Variants in CHPT1 observed in about 807,000 individuals in gnomAD.
CHPT1 encodes cholinephosphotransferase 1.
A neutral mutation model predicts 47.6 loss-of-function variants in CHPT1; 36 were observed. The ratio of observed to expected loss-of-function variants is 0.76; its 90% confidence interval spans 0.58 to 1.00. The LOEUF is 1.00. Ranked by LOEUF, CHPT1 falls within the 50% of genes least tolerant of loss-of-function variation. The pLI, the probability that CHPT1 is intolerant of heterozygous loss-of-function variation, is 0.00. For synonymous variants in CHPT1, 194 were observed against 186.3 expected (o/e 1.04, Z -0.33); for missense variants, 458 against 498.1 (o/e 0.92, Z 0.77).
Position 101,726,358 on chromosome 12 carries a change from T to TTCA in CHPT1, c.1133_1135dup (p.His378dup). 6.2e-7 allele frequency: 1 copy of TTCA among 1,613,276 alleles called. No homozygotes were observed. The highest frequency in any genetic ancestry group is 1.1e-5 in the South Asian group (1 of 91,048). On this transcript the variant is annotated inframe_insertion, in exon 8 of 9. Transcript: ENST00000229266. ...TTGTGCCTGCAAATTTCAAGACACCTTCATCTAAATATATTCAAGACTGCA... is the reference window on the plus strand; with the variant it reads ...TTGTGCCTGCAAATTTCAAGACACCTTCATCATCTAAATATATTCAAGACTGCA...
intron 4 of CHPT1, chr12:101,719,670 C>A: frequency 2.8e-6 from 1 of 361,970 alleles, no homozygotes; most frequent in Non-Finnish European, 5.0e-6. Context: ...TTCAAATGAA[C>A]TATCCTTTTT....
chr12:101,704,047 T>A (rs1403466655), intron 1 of CHPT1, among the ~76,000 whole-genome samples: 2 of 152,234 alleles, frequency 1.3e-5, no homozygotes, highest in Non-Finnish European at 2.9e-5. Context: ...CAGTTTCTAT[T>A]TTTATGAAGA....
In CHPT1 at chr12:101,716,800, G is replaced by A; in HGVS notation, c.636G>A (p.Met212Ile). The A allele has an allele frequency of 1.9e-6, 3 of 1,596,756 alleles. No individual in the cohort carries two copies. Among genetic ancestry groups the A allele is most frequent in the Non-Finnish European group, 2.6e-6 (3 of 1,168,644 alleles). Residue 212 changes from methionine to isoleucine, a missense_variant, in exon 4 of 9, where the codon ATG (methionine) becomes ATA (isoleucine). Transcript: ENST00000229266. ...TGTCTGCATTTGGAGGAGCAACAATGTGGGACTATACGGTAAATCTGAATA... is the reference window on the plus strand; with the variant it reads ...TGTCTGCATTTGGAGGAGCAACAATATGGGACTATACGGTAAATCTGAATA... ...FVLSAFGGAT[M>I]WDYTIPILEI...
At chr12:101,724,235 G>T (rs1323097344) in intron 7 of CHPT1, among the ~76,000 whole-genome samples, 1 of 147,052 alleles carries the variant, frequency 6.8e-6, no homozygotes, top group East Asian at 2.0e-4. Flanking sequence ...AAAAAAAAAA[G>T]ATCTAGTCTA....
In CHPT1 at chr12:101,728,729, C is replaced by T. The variant is rs537685305; in HGVS notation, c.1177-172C>T. 1.4e-4 allele frequency: 93 copies of T among 676,784 alleles called. No homozygotes were observed. Among genetic ancestry groups the T allele is most frequent in the Non-Finnish European group, 2.0e-4 (82 of 412,608 alleles). The allele number at this position is 676,784 out of a possible 1,614,324, so 41.9% of individuals were successfully genotyped here. ...TTACTAAAGAGCTGAAAGCTTAATA[C>T]ATATTCTTTAGGAATAGTTGCTAAC... On this transcript the variant is annotated intron_variant, in intron 8 of 8. Transcript: ENST00000229266.
chr12:101,709,176 G>A (rs1274695690), intron 1 of CHPT1, among the ~76,000 whole-genome samples: 1 of 147,812 alleles, frequency 6.8e-6, no homozygotes, highest in Non-Finnish European at 1.5e-5. Flanking sequence ...CAGAAGGATA[G>A]TTTGAGGCCA....
intron 3 of CHPT1, among the ~76,000 whole-genome samples, chr12:101,715,482 A>G (rs1408583181): frequency 6.6e-6 from 1 of 151,976 alleles, no homozygotes; most frequent in African/African-American, 2.4e-5. Context: ...TGTATTTACC[A>G]CCTATCGAGC....
chr12:101,716,927 A>T, intron 4 of CHPT1, 115 bp downstream of exon 4: 2 of 583,430 alleles, frequency 3.4e-6, no homozygotes, highest in Non-Finnish European at 5.7e-6. Context: ...TTTTTTTTTT[A>T]ATTGGTGTAT....
In CHPT1 at chr12:101,710,724, C is replaced by T. The variant is rs1208977276; in HGVS notation, c.274-3366C>T. Among the ~76,000 whole-genome samples, 7 of 148,746 alleles carry T rather than the reference C, an allele frequency of 4.7e-5. 3 individuals carry two copies. Among genetic ancestry groups the T allele is most frequent in the Non-Finnish European group, 1.1e-4 (7 of 66,440 alleles). On this transcript the variant is annotated intron_variant, in intron 1 of 8. Transcript: ENST00000229266. ...TTTCTGTTAATACCTGACCATGAGA[C>T]CTGCCTGTAGCTAGTTTCTCAGATC... is the stretch of plus-strand genomic sequence containing the variant.
At chr12:101,708,587 A>G (rs1951662469) in intron 1 of CHPT1, among the ~76,000 whole-genome samples, 1 of 152,212 alleles carries the variant, frequency 6.6e-6, no homozygotes, top group South Asian at 2.1e-4. Context: ...TGAAAACTAT[A>G]TAATTAAAAA....
At chr12:101,711,187 A>G (rs1182049458) in intron 1 of CHPT1, among the ~76,000 whole-genome samples, 3 of 148,784 alleles carry the variant, frequency 2.0e-5, no homozygotes, top group African/African-American at 7.3e-5. Context: ...CTGTAAAACT[A>G]TACCCAAAGG....
At chr12:101,722,336 T>C (rs1951862959) in intron 5 of CHPT1, among the ~76,000 whole-genome samples, 1 of 152,192 alleles carries the variant, frequency 6.6e-6, no homozygotes, top group Non-Finnish European at 1.5e-5. Flanking sequence ...GTAAACTTAA[T>C]AAACAAGAGT....
rs544202211 is a variant in CHPT1 at position 101,702,301 on chromosome 12, T to G, written c.273+4167T>G. ...CTGCCCTGTCTTCGTGATCTGTGCA[T>G]ATAAATCCATGTCAGTGTCTTTATT... On this transcript the variant is annotated intron_variant, in intron 1 of 8. Transcript: ENST00000229266. 2.6e-5 allele frequency among the ~76,000 whole-genome samples: 4 copies of G among 152,336 alleles called. No individual in the cohort carries two copies. In the South Asian group the frequency reaches 8.3e-4, roughly 32 times the overall value.
chr12:101,699,627 A>G (rs574202153), intron 1 of CHPT1, among the ~76,000 whole-genome samples: 70 of 152,234 alleles, frequency 4.6e-4, no homozygotes, highest in Admixed American at 7.2e-4. Context: ...ACCTCAAGTG[A>G]TCCGCCTGCC....
chr12:101,710,205 G>A (rs1379200561), intron 1 of CHPT1, among the ~76,000 whole-genome samples: 4 of 148,662 alleles, frequency 2.7e-5, no homozygotes, highest in Admixed American at 6.8e-5. Context: ...ATTTAGCTGG[G>A]TGTGGTGGCG....
chr12:101,714,020 C>G, intron 1 of CHPT1, 70 bp from the exon 2 acceptor site: 3 of 1,035,026 alleles, frequency 2.9e-6, no homozygotes, highest in Non-Finnish European at 2.9e-6. Context: ...AGTGTGAAGC[C>G]TTAGGTTGAG....
intron 8 of CHPT1, 62 bp from the exon 9 acceptor site, chr12:101,728,839 A>G: frequency 1.3e-6 from 2 of 1,570,424 alleles, no homozygotes; most frequent in Non-Finnish European, 1.7e-6. Context: ...TTACAATTAA[A>G]CTATTCTAAA....
chr12:101,716,726 A>C lies in CHPT1; in HGVS notation c.564-2A>C. On this transcript the variant is annotated splice_acceptor_variant, in intron 3 of 8. Transcript: ENST00000229266. LOFTEE classifies it high-confidence loss of function. ...TATCTATTCTTTGTCCTTCCTCTTT[A>C]GAGTGGATGTAACTGAAATTCAGAT... 1 of 1,590,850 alleles carries C rather than the reference A, an allele frequency of 6.3e-7. No homozygotes were observed. Among genetic ancestry groups the C allele is most frequent in the Non-Finnish European group, 8.6e-7 (1 of 1,168,220 alleles).
chr12:101,710,757 A>G (rs1489218464), intron 1 of CHPT1, among the ~76,000 whole-genome samples: 1 of 148,926 alleles, frequency 6.7e-6, no homozygotes, highest in Non-Finnish European at 1.5e-5. Flanking sequence ...ATCAGAGGTC[A>G]GAATTAAGCT....
Sources: allele counts gnomAD v4.1 joint callset (sites outside exome capture counted in the v4.1 genomes callset), GRCh38; gene constraint gnomAD v4.1.1; transcripts MANE v1.5; gene names NCBI Gene and HGNC (gene_info 2026-07-23, HGNC 2026-07-21).